SASH1: variants seen among roughly 807,000 people sequenced by gnomAD.
The protein encoded by SASH1 is SAM and SH3 domain-containing protein 1.
SASH1 carries 44 observed loss-of-function variants against 125.2 expected under a neutral mutation model. The ratio of observed to expected loss-of-function variants is 0.35; its 90% CI spans 0.28 to 0.45. The LOEUF (loss-of-function observed/expected upper bound fraction) is 0.45, where lower values mean the gene tolerates loss of function less well. Ranked by LOEUF, SASH1 falls within the 20% of genes least tolerant of loss-of-function variation. The probability of loss-of-function intolerance (pLI) is 1.00; values close to 1 mark genes in which losing one functional copy is unlikely to be tolerated. For synonymous variants in SASH1, 639 were observed against 649.1 expected (o/e 0.98, Z 0.24); for missense variants, 1,426 against 1,614.5 (o/e 0.88, Z 2.00).
Position 148,326,349 on chromosome 6 carries a change from TATA to T in SASH1, n.74+53973_74+53975del, listed in dbSNP as rs1562326202. ...ATATATATATATATATATATATATA[TATA>T]TATATGCATATATATATATATACAT... On this transcript the variant is annotated intron_variant and non_coding_transcript_variant, in intron 1 of 3. Coordinates refer to the SASH1 transcript ENST00000367469. Among the ~76,000 whole-genome samples the T allele has an allele frequency of 2.1e-4, 18 of 86,586 alleles. 1 individual carries two copies. The highest frequency in any genetic ancestry group is 9.0e-4 in the East Asian group (2 of 2,220). 56.8% of individuals were successfully genotyped at this position (86,586 alleles called of 152,430 possible). A position where few individuals can be genotyped will look rare whatever the true frequency, so the allele number is the denominator to read the frequency against.
At chr6:148,499,248 C>G (rs1460914579) in intron 8 of SASH1, among the ~76,000 whole-genome samples, 3 of 152,028 alleles carry the variant, frequency 2.0e-5, no homozygotes, top group Admixed American at 6.5e-5. Flanking sequence ...TCCTTTTATT[C>G]TCTTCTCTAT....
the SASH1 span, among the ~76,000 whole-genome samples, chr6:148,211,299 G>T: frequency 6.5e-3 from 996 of 152,258 alleles, 9 homozygotes; most frequent in African/African-American, 0.023. Context: ...GGCTGGGCAC[G>T]GTGGCTCATG....
At chr6:148,437,954 A>G (rs75898728) in intron 2 of SASH1, among the ~76,000 whole-genome samples, 2,491 of 152,328 alleles carry the variant, frequency 0.016, 72 homozygotes, top group African/African-American at 0.057. Flanking sequence ...AATAAAATCT[A>G]TTCAAAAAAA....
chr6:148,372,729 TCA>T (rs1782746912), intron 1 of SASH1, among the ~76,000 whole-genome samples: 1 of 152,168 alleles, frequency 6.6e-6, no homozygotes. Context: ...ATTCATTCAT[TCA>T]TTCAGTGCAT....
chr6:148,382,516 C>T (rs935967669), intron 1 of SASH1, among the ~76,000 whole-genome samples: 1 of 152,124 alleles, frequency 6.6e-6, no homozygotes, highest in Non-Finnish European at 1.5e-5. Flanking sequence ...TCTCGAATTC[C>T]CGACCTCAGG....
chr6:148,233,742 C>CAAAAAAAAAAAAAAAAAAAAAAAAAAA, the SASH1 span, among the ~76,000 whole-genome samples: 76 of 60,528 alleles, frequency 1.3e-3, 9 homozygotes, highest in East Asian at 3.0e-3. Flanking sequence ...TTCCTCTCTA[C>CAAAAAAAAAAAAAAAAAAAAAAAAAAA]AAAAAAAAAA....
chr6:148,543,802 C>T lies in SASH1; in HGVS notation c.2332C>T (p.Leu778=), dbSNP rs1250927518. ...TLPLMKSGDA[L]KQGQEEGRLG... is the part of the protein sequence containing the mutation. Reference sequence around the variant, plus strand: ...GCCTTTAATGAAATCAGGGGATGCACTGAAGCAGGGACAGGAGGAGGGCAG... The same window carrying T: ...GCCTTTAATGAAATCAGGGGATGCATTGAAGCAGGGACAGGAGGAGGGCAG... Residue 778 remains leucine, a synonymous_variant, in exon 18 of 20, where the codon CTG becomes TTG. Coordinates refer to ENST00000367467, the MANE Select transcript of SASH1 (RefSeq NM_015278.5). 1.2e-6 allele frequency: 2 copies of T among 1,614,016 alleles called. No homozygotes were observed. Among genetic ancestry groups the T allele is most frequent in the East Asian group, 4.5e-5 (2 of 44,904 alleles).
chr6:148,504,579 C>T (rs1779697290), intron 8 of SASH1, among the ~76,000 whole-genome samples: 1 of 152,018 alleles, frequency 6.6e-6, no homozygotes. Flanking sequence ...AGGGAGCTTC[C>T]TAGGGTGGCC....
At chr6:148,305,623 C>CAA (rs59521298) in intron 1 of SASH1, among the ~76,000 whole-genome samples, 126 of 104,304 alleles carry the variant, frequency 1.2e-3, no homozygotes, top group Non-Finnish European at 1.5e-3. Flanking sequence ...GACTCTGACT[C>CAA]AAAAAAAAAA....
At chr6:148,257,762 C>T in the SASH1 span, among the ~76,000 whole-genome samples, 6 of 151,816 alleles carry the variant, frequency 4.0e-5, no homozygotes, top group African/African-American at 1.5e-4. Flanking sequence ...TCCTCAGTAG[C>T]TGAGACTACA....
the SASH1 span, among the ~76,000 whole-genome samples, chr6:148,200,351 G>T: frequency 1.3e-5 from 2 of 152,222 alleles, no homozygotes; most frequent in African/African-American, 2.4e-5. Context: ...GACATTGGTT[G>T]TTGGCTAGAA....
intron 1 of SASH1, among the ~76,000 whole-genome samples, chr6:148,368,753 TGCGCGC>T (rs1782576783): frequency 3.2e-5 from 1 of 31,232 alleles, no homozygotes; most frequent in African/African-American, 9.6e-5. Context: ...CTCCCCCACA[TGCGCGC>T]GCACGCGCGC....
chr6:148,214,805 T>C, the SASH1 span, among the ~76,000 whole-genome samples: 1 of 152,170 alleles, frequency 6.6e-6, no homozygotes, highest in Non-Finnish European at 1.5e-5. Context: ...TTTCATGCCG[T>C]TATTACCAAC....
At chr6:148,369,676 G>A (rs918781796) in intron 1 of SASH1, among the ~76,000 whole-genome samples, 19 of 152,058 alleles carry the variant, frequency 1.2e-4, no homozygotes, top group African/African-American at 3.1e-4. Flanking sequence ...CAACCTGGCC[G>A]GACGTGGTGA....
intron 16 of SASH1, among the ~76,000 whole-genome samples, chr6:148,535,180 AT>A (rs1473821252): frequency 6.6e-6 from 1 of 152,218 alleles, no homozygotes; most frequent in Admixed American, 6.5e-5. Context: ...AAAATCATAA[AT>A]TCCCAGTGCA....
chr6:148,423,095 C>T (rs192466448), intron 2 of SASH1, among the ~76,000 whole-genome samples: 123 of 152,242 alleles, frequency 8.1e-4, no homozygotes, highest in African/African-American at 2.4e-3. Flanking sequence ...CACGCCACCA[C>T]GCCCAGCTAA....
the SASH1 span, among the ~76,000 whole-genome samples, chr6:148,204,825 T>C: frequency 6.6e-6 from 1 of 152,078 alleles, no homozygotes; most frequent in Admixed American, 6.5e-5. Flanking sequence ...AATGAAAGTA[T>C]ATAAAATTGC....
intron 2 of SASH1, among the ~76,000 whole-genome samples, chr6:148,403,965 G>A (rs1784277501): frequency 1.3e-5 from 2 of 152,122 alleles, no homozygotes; most frequent in African/African-American, 4.8e-5. Flanking sequence ...ATAGTACTTT[G>A]AATGCTGTTT....
intron 2 of SASH1, among the ~76,000 whole-genome samples, chr6:148,434,420 A>G (rs987553653): frequency 3.3e-5 from 5 of 152,172 alleles, no homozygotes; most frequent in Admixed American, 3.3e-4. Flanking sequence ...AGAAAAAAGT[A>G]ATGCAAGACT....
Sources: gnomAD v4.1 joint callset for allele counts (sites outside exome capture counted in the v4.1 genomes callset) on GRCh38, gnomAD v4.1.1 for gene constraint, MANE v1.5 for transcripts, NCBI Gene and HGNC (gene_info 2026-07-23, HGNC 2026-07-21) for gene names.